The following ADAMTSL1 variants were observed in gnomAD, a reference collection of about 807,000 sequenced individuals.
ADAMTSL1 encodes ADAMTS-like protein 1.
Under a neutral mutation model 201.8 loss-of-function variants are expected in ADAMTSL1, and 126 were observed. That is an observed-to-expected ratio of 0.62 (90% CI 0.54 to 0.72). ADAMTSL1 has a LOEUF of 0.72. Among genes scored for constraint, ADAMTSL1 ranks in the 30% least tolerant of loss-of-function variants. ADAMTSL1 has a pLI of 0.00. For synonymous variants in ADAMTSL1, 1,121 were observed against 903.4 expected (o/e 1.24, Z -4.32); for missense variants, 2,679 against 2,277.8 (o/e 1.18, Z -3.59).
At chr9:18,224,782 C>T (rs1403852287) in intron 2 of ADAMTSL1, among the ~76,000 whole-genome samples, 1 of 152,062 alleles carries the variant, frequency 6.6e-6, no homozygotes, top group Non-Finnish European at 1.5e-5. Context: ...TCACAGTACT[C>T]CTATTGAATA....
At position 18,504,973 on chromosome 9, in the gene ADAMTSL1, T is replaced by C. The variant is rs367593235; in HGVS notation, c.191+17T>C. The C allele has an allele frequency of 2.6e-4, 413 of 1,593,954 alleles. 5 individuals carry two copies. In the South Asian group the frequency reaches 4.2e-3, roughly 16 times the overall value. On this transcript the variant is annotated intron_variant, in intron 2 of 28. Coordinates refer to ENST00000380548, the MANE Select transcript of ADAMTSL1 (RefSeq NM_001040272.6). ...GAGCAGCAAGTAAGTCCTGCACCCG[T>C]TGGGGGTCTTTGTGAGAACCAGAGG... is the stretch of plus-strand genomic sequence containing the variant.
At chr9:18,255,967 A>G (rs1426173956) in intron 2 of ADAMTSL1, among the ~76,000 whole-genome samples, 1 of 152,172 alleles carries the variant, frequency 6.6e-6, no homozygotes, top group Admixed American at 6.5e-5. Context: ...CCCATCAAAG[A>G]GCCCTGTTTT....
chr9:18,041,299 G>T (rs1257494498), intron 1 of ADAMTSL1, among the ~76,000 whole-genome samples: 1 of 152,166 alleles, frequency 6.6e-6, no homozygotes, highest in African/African-American at 2.4e-5. Flanking sequence ...AGTGAAGCAA[G>T]AACTATTAAT....
intron 1 of ADAMTSL1, among the ~76,000 whole-genome samples, chr9:18,150,575 T>C (rs1194114644): frequency 6.6e-6 from 1 of 151,974 alleles, no homozygotes; most frequent in Non-Finnish European, 1.5e-5. Context: ...AGGAAAACCT[T>C]TGGCTAGTAG....
In ADAMTSL1 at chr9:18,535,843, G is replaced by A. The variant is rs78152435; in HGVS notation, c.237+2551G>A. On this transcript the variant is annotated intron_variant, in intron 3 of 28. Transcript: ENST00000380548. ...GAACTTACTATCATGAGAATAGCAT[G>A]GGGAAAATTGTCTGCATGAGTCAAT... 4.4e-3 allele frequency among the ~76,000 whole-genome samples: 664 copies of A among 152,222 alleles called. 4 individuals are homozygous for A. The highest frequency in any genetic ancestry group is 0.015 in the African/African-American group (609 of 41,546).
At chr9:18,648,792 C>G (rs530124760) in intron 7 of ADAMTSL1, among the ~76,000 whole-genome samples, 95 of 151,174 alleles carry the variant, frequency 6.3e-4, no homozygotes, top group African/African-American at 2.2e-3. Flanking sequence ...TGTGGGTAAC[C>G]CGACCTTTCT....
chr9:18,495,459 C>T (rs146368614), intron 1 of ADAMTSL1, among the ~76,000 whole-genome samples: 168 of 152,216 alleles, frequency 1.1e-3, no homozygotes, highest in African/African-American at 3.8e-3. Flanking sequence ...TACATGGTTT[C>T]CTAGCCCCAG....
At chr9:18,718,379 C>G (rs1352556066) in intron 14 of ADAMTSL1, 1 of 724,132 alleles carries the variant, frequency 1.4e-6, no homozygotes, top group Admixed American at 1.8e-5. Flanking sequence ...CAAGCATACA[C>G]TGCTGTGCAT....
intron 4 of ADAMTSL1, among the ~76,000 whole-genome samples, chr9:18,582,449 G>C (rs144305214): frequency 0.012 from 1,787 of 152,308 alleles, 15 homozygotes; most frequent in Non-Finnish European, 0.02. Flanking sequence ...ATTCCCACAT[G>C]TTGTGGGAGG....
At chr9:17,939,847 G>A (rs543305005) in intron 1 of ADAMTSL1, among the ~76,000 whole-genome samples, 1 of 152,148 alleles carries the variant, frequency 6.6e-6, no homozygotes, top group African/African-American at 2.4e-5. Context: ...TATGATGAAT[G>A]TTTTAATGGA....
intron 2 of ADAMTSL1, among the ~76,000 whole-genome samples, chr9:18,516,274 G>A (rs113675297): frequency 7.2e-5 from 11 of 152,222 alleles, no homozygotes; most frequent in African/African-American, 2.4e-4. Flanking sequence ...GACAGATACT[G>A]GATATTAAAA....
At chr9:18,830,660 C>A (rs943673707) in intron 23 of ADAMTSL1, among the ~76,000 whole-genome samples, 3 of 151,988 alleles carry the variant, frequency 2.0e-5, no homozygotes, top group African/African-American at 7.3e-5. Context: ...GCCGGAAAAA[C>A]CTTCACACAT....
At chr9:18,793,582 G>A (rs1422975856) in intron 19 of ADAMTSL1, among the ~76,000 whole-genome samples, 5 of 152,030 alleles carry the variant, frequency 3.3e-5, no homozygotes, top group Admixed American at 3.3e-4. Flanking sequence ...TACCTCCTAG[G>A]GAAGGATGCT....
At chr9:18,463,519 C>T (rs917321803) in intron 2 of ADAMTSL1, among the ~76,000 whole-genome samples, 1 of 152,116 alleles carries the variant, frequency 6.6e-6, no homozygotes, top group Non-Finnish European at 1.5e-5. Flanking sequence ...GCTAAAACCC[C>T]ATACCCCGTT....
At chr9:18,067,661 T>A (rs1822767895) in intron 1 of ADAMTSL1, among the ~76,000 whole-genome samples, 1 of 152,196 alleles carries the variant, frequency 6.6e-6, no homozygotes, top group Admixed American at 6.5e-5. Flanking sequence ...GGTGAAATAC[T>A]CAGCACAGAG....
intron 15 of ADAMTSL1, among the ~76,000 whole-genome samples, chr9:18,732,509 T>C (rs191183214): frequency 4.3e-4 from 65 of 152,222 alleles, no homozygotes; most frequent in Admixed American, 1.4e-3. Flanking sequence ...AAAGTTAATA[T>C]CCTGTGTGAC....
At position 18,575,355 on chromosome 9, in the gene ADAMTSL1, C is replaced by T. The variant is rs191771626; in HGVS notation, c.474+1089C>T. Among the ~76,000 whole-genome samples, 8 of 152,174 alleles carry T rather than the reference C, an allele frequency of 5.3e-5. No homozygotes were observed. In the East Asian group the frequency reaches 1.4e-3, roughly 26 times the overall value. Reference sequence around the variant, plus strand: ...ACTGATGTCATATAGGAGTTTGTCACTGATGAAACATATCTTAAGGTTTCC... The same window carrying T: ...ACTGATGTCATATAGGAGTTTGTCATTGATGAAACATATCTTAAGGTTTCC... On this transcript the variant is annotated intron_variant, in intron 4 of 28. Transcript: ENST00000380548.
chr9:18,818,016 G>C (rs1197524504), intron 21 of ADAMTSL1, among the ~76,000 whole-genome samples: 1 of 152,118 alleles, frequency 6.6e-6, no homozygotes, highest in Non-Finnish European at 1.5e-5. Flanking sequence ...TAGACAAGAG[G>C]GGGTGGTAAT....
At chr9:18,158,422 G>T (rs1196342947) in intron 1 of ADAMTSL1, among the ~76,000 whole-genome samples, 3 of 151,892 alleles carry the variant, frequency 2.0e-5, no homozygotes, top group African/African-American at 7.2e-5. Flanking sequence ...AACCAGGAAT[G>T]AAGATTTTTT....
Sources: allele counts gnomAD v4.1 joint callset (sites outside exome capture counted in the v4.1 genomes callset), GRCh38; gene constraint gnomAD v4.1.1; transcripts MANE v1.5; gene names NCBI Gene and HGNC (gene_info 2026-07-23, HGNC 2026-07-21).